Variants in KHDRBS2 observed in about 807,000 individuals in gnomAD.
KHDRBS2 encodes KH domain-containing, RNA-binding, signal transduction-associated protein 2.
KHDRBS2 carries 26 observed loss-of-function variants against 44.3 expected under a neutral mutation model. The observed-to-expected ratio is 0.59, with a 90% CI of 0.43 to 0.81. The LOEUF (loss-of-function observed/expected upper bound fraction) is 0.81. KHDRBS2 is among the 40% of genes least tolerant of loss of function. KHDRBS2 has a pLI of 0.00. For synonymous variants in KHDRBS2, 194 were observed against 151.1 expected, an observed-to-expected ratio of 1.28 and a Z score of -2.08; for missense variants, 476 against 433.1, an observed-to-expected ratio of 1.10 and a Z score of -0.88.
At chr6:62,062,648 C>T (rs377213928) in intron 2 of KHDRBS2, among the ~76,000 whole-genome samples, 9 of 148,662 alleles carry the variant, frequency 6.1e-5, no homozygotes, top group Non-Finnish European at 1.2e-4. Context: ...GGGAAATTTA[C>T]AGCACTAAAT....
At chr6:61,954,459 A>G (rs1765605110) in intron 4 of KHDRBS2, among the ~76,000 whole-genome samples, 1 of 145,512 alleles carries the variant, frequency 6.9e-6, no homozygotes, top group Non-Finnish European at 1.5e-5. Flanking sequence ...GTATGTATGT[A>G]TGTATACGTA....
chr6:62,211,871 A>G (rs556970314), intron 1 of KHDRBS2, among the ~76,000 whole-genome samples: 3 of 152,268 alleles, frequency 2.0e-5, no homozygotes, highest in African/African-American at 7.2e-5. Flanking sequence ...GTTCATCACA[A>G]CACTACTCAC....
the KHDRBS2 span, among the ~76,000 whole-genome samples, chr6:61,605,922 G>T: frequency 6.6e-6 from 1 of 152,150 alleles, no homozygotes; most frequent in Non-Finnish European, 1.5e-5. Context: ...CAAAAGAAGT[G>T]AAAGTGGCCT....
At chr6:61,565,238 C>T in the KHDRBS2 span, among the ~76,000 whole-genome samples, 1 of 152,002 alleles carries the variant, frequency 6.6e-6, no homozygotes, top group African/African-American at 2.4e-5. Context: ...TGGGGAAATG[C>T]TTAGGACATT....
chr6:61,736,411 T>C (rs1271983561), intron 6 of KHDRBS2, among the ~76,000 whole-genome samples: 2 of 152,030 alleles, frequency 1.3e-5, no homozygotes, highest in Non-Finnish European at 2.9e-5. Context: ...GCACTCTATC[T>C]TGAGGATCTG....
chr6:62,194,233 A>C (rs1825168766), intron 1 of KHDRBS2, among the ~76,000 whole-genome samples: 1 of 151,686 alleles, frequency 6.6e-6, no homozygotes, highest in South Asian at 2.1e-4. Context: ...ATCCATATTG[A>C]GCTAAATTTT....
At chr6:61,882,182 T>C (rs1380214309) in intron 6 of KHDRBS2, among the ~76,000 whole-genome samples, 2 of 151,994 alleles carry the variant, frequency 1.3e-5, no homozygotes, top group African/African-American at 4.8e-5. Flanking sequence ...CAGGCTTATT[T>C]GTAGATGTTG....
At chr6:61,633,047 C>G in the KHDRBS2 span, among the ~76,000 whole-genome samples, 1 of 152,052 alleles carries the variant, frequency 6.6e-6, no homozygotes, top group Admixed American at 6.6e-5. Context: ...CAGAACTCCA[C>G]AAAGGCTTAC....
At chr6:61,549,416 C>A in the KHDRBS2 span, among the ~76,000 whole-genome samples, 2 of 152,104 alleles carry the variant, frequency 1.3e-5, no homozygotes, top group East Asian at 1.9e-4. Context: ...TGAAAAGAGA[C>A]AAATTTTAAA....
chr6:61,947,922 T>C (rs1438315468), intron 4 of KHDRBS2, among the ~76,000 whole-genome samples: 1 of 61,204 alleles, frequency 1.6e-5, no homozygotes, highest in Non-Finnish European at 4.0e-5. Context: ...AAAATAATAA[T>C]AATAATAATA....
chr6:61,698,974 A>G (rs1205727526), intron 7 of KHDRBS2, among the ~76,000 whole-genome samples: 1 of 152,110 alleles, frequency 6.6e-6, no homozygotes, highest in Non-Finnish European at 1.5e-5. Flanking sequence ...TTCATTGATC[A>G]TCACCATACA....
intron 3 of KHDRBS2, among the ~76,000 whole-genome samples, chr6:62,011,691 T>C (rs1039667915): frequency 9.2e-5 from 14 of 152,190 alleles, no homozygotes; most frequent in Non-Finnish European, 1.6e-4. Context: ...TTCTTATTTT[T>C]ATTGGTAGTT....
At chr6:61,955,092 A>G (rs1262881987) in intron 4 of KHDRBS2, among the ~76,000 whole-genome samples, 1 of 123,674 alleles carries the variant, frequency 8.1e-6, no homozygotes, top group East Asian at 2.7e-4. Flanking sequence ...GTATGCATAC[A>G]TATATGTATA....
chr6:61,891,499 G>A (rs1205987627), intron 6 of KHDRBS2, among the ~76,000 whole-genome samples: 1 of 152,150 alleles, frequency 6.6e-6, no homozygotes, highest in African/African-American at 2.4e-5. Flanking sequence ...AATAGTTTCA[G>A]AAGGAATGGT....
At chr6:62,284,635 C>T (rs1037693029) in intron 1 of KHDRBS2, among the ~76,000 whole-genome samples, 29 of 151,852 alleles carry the variant, frequency 1.9e-4, no homozygotes, top group African/African-American at 7.0e-4. Context: ...AGCTTTTTCC[C>T]TGAAAACAGT....
At chr6:61,821,235 C>T (rs1260937573) in intron 6 of KHDRBS2, among the ~76,000 whole-genome samples, 1 of 152,006 alleles carries the variant, frequency 6.6e-6, no homozygotes, top group Admixed American at 6.6e-5. Flanking sequence ...CTGTTAGAAT[C>T]TACTGGGGTG....
At chr6:61,583,491 A>G in the KHDRBS2 span, among the ~76,000 whole-genome samples, 1 of 151,708 alleles carries the variant, frequency 6.6e-6, no homozygotes, top group African/African-American at 2.4e-5. Context: ...ATTTACCTCA[A>G]TGAATTACTT....
chr6:61,971,329 G>T (rs778140272), intron 4 of KHDRBS2, among the ~76,000 whole-genome samples: 10 of 151,958 alleles, frequency 6.6e-5, no homozygotes, highest in Admixed American at 1.3e-4. Context: ...ATATCATCTG[G>T]AAGAATCAAT....
Position 61,733,388 on chromosome 6 carries a change from C to T in KHDRBS2, c.811-624G>A, listed in dbSNP as rs191285602. Among the ~76,000 whole-genome samples, 847 of 152,124 alleles carry T rather than the reference C, an allele frequency of 5.6e-3. 12 individuals are homozygous for T. Among genetic ancestry groups the T allele is most frequent in the African/African-American group, 0.019 (792 of 41,518 alleles). On this transcript the variant is annotated intron_variant, in intron 6 of 8. Transcript: ENST00000281156. ...GGCAGATCAGCTGAGGTCAGGAGTT[C>T]GAGACCAGCCTGGCCAACATGGTGA... is the stretch of plus-strand genomic sequence containing the variant.
Sources: allele counts gnomAD v4.1 joint callset (sites outside exome capture counted in the v4.1 genomes callset), GRCh38; gene constraint gnomAD v4.1.1; transcripts MANE v1.5; gene names NCBI Gene and HGNC (gene_info 2026-07-23, HGNC 2026-07-21).